Variants in PARD3B observed in about 807,000 individuals in gnomAD.
PARD3B encodes partitioning defective 3 homolog B.
PARD3B carries 103 observed loss-of-function variants against 130.2 expected under a neutral mutation model. The ratio of observed to expected loss-of-function variants is 0.79; its 90% CI spans 0.67 to 0.93. The LOEUF (loss-of-function observed/expected upper bound fraction) is 0.93, where lower values mean the gene tolerates loss of function less well. Ranked by LOEUF, PARD3B falls within the 40% of genes least tolerant of loss-of-function variation. The probability of loss-of-function intolerance (pLI) is 0.00; values close to 1 mark genes in which losing one functional copy is unlikely to be tolerated. For missense variants in PARD3B, 1,609 were observed against 1,499.2 expected, an observed-to-expected ratio of 1.07 and a Z score of -1.21; for synonymous variants, 583 against 553.2, an observed-to-expected ratio of 1.05 and a Z score of -0.76.
rs200101726 is a variant in PARD3B, at chr2:205,183,392, AGAAAG to A, written c.1925-2368_1925-2364del. On this transcript the variant is annotated intron_variant, in intron 13 of 22. Transcript: ENST00000406610. This position sits in a 1 kb window ranked among gnomAD's most constrained non-coding sequence, Gnocchi z 5.2. ...TTGAGGATAGAAGATGAGAGCCAAC[AGAAAG>A]GAAGTTGTCCCAGGATGTCCATTGT... is the stretch of plus-strand genomic sequence containing the variant. Among the ~76,000 whole-genome samples the A allele has an allele frequency of 0.016, 2,481 of 152,324 alleles. 50 individuals carry two copies. Among genetic ancestry groups the A allele is most frequent in the Admixed American group, 0.059 (899 of 15,308 alleles).
chr2:205,302,172 G>T (rs576971772), intron 18 of PARD3B, among the ~76,000 whole-genome samples: 1 of 135,728 alleles, frequency 7.4e-6, no homozygotes, highest in South Asian at 2.5e-4. Flanking sequence ...GGGTTCAAGC[G>T]ATTCTTCTGC....
chr2:204,978,873 A>G (rs952291052), intron 3 of PARD3B, among the ~76,000 whole-genome samples: 3 of 151,094 alleles, frequency 2.0e-5, no homozygotes, highest in African/African-American at 7.3e-5. Flanking sequence ...CTAAGGCAAG[A>G]GAATTGCTTG....
At chr2:205,214,089 T>G (rs7583368) in intron 15 of PARD3B, among the ~76,000 whole-genome samples, 119,553 of 151,792 alleles carry the variant, frequency 0.79, 47,572 homozygotes, top group East Asian at 0.98. Context: ...AGGTTTTTTG[T>G]TTGTTTTTTA....
chr2:205,358,368 A>G (rs944478439), intron 18 of PARD3B, among the ~76,000 whole-genome samples: 3 of 152,142 alleles, frequency 2.0e-5, no homozygotes, highest in Admixed American at 6.5e-5. Flanking sequence ...AGAGACACAA[A>G]CTCATAAAGC....
chr2:205,469,606 A>T (rs961293033), intron 20 of PARD3B, among the ~76,000 whole-genome samples: 1 of 152,172 alleles, frequency 6.6e-6, no homozygotes, highest in African/African-American at 2.4e-5. Flanking sequence ...AGTCAGCCTA[A>T]TCTTGGCTGA....
chr2:205,139,357 A>G (rs758460400), intron 10 of PARD3B, among the ~76,000 whole-genome samples: 1 of 152,300 alleles, frequency 6.6e-6, no homozygotes, highest in Non-Finnish European at 1.5e-5. Context: ...AACATTATTC[A>G]TTAAGGTTTT....
At chr2:204,734,315 C>A (rs1163572664) in intron 2 of PARD3B, among the ~76,000 whole-genome samples, 6 of 152,078 alleles carry the variant, frequency 3.9e-5, no homozygotes, top group Non-Finnish European at 1.5e-5. Context: ...CATTGCTGGG[C>A]AATTCAGAAT....
intron 18 of PARD3B, among the ~76,000 whole-genome samples, chr2:205,310,941 T>C (rs1210188286): frequency 1.3e-5 from 2 of 151,924 alleles, no homozygotes; most frequent in Non-Finnish European, 2.9e-5. Flanking sequence ...TCAGGCTGGT[T>C]TCAAATTCCT....
Position 204,567,978 on chromosome 2 carries a change from T to G in PARD3B, c.120+21859T>G, listed in dbSNP as rs1469729707. 2.6e-5 allele frequency among the ~76,000 whole-genome samples: 4 copies of G among 152,338 alleles called. No individual in the cohort carries two copies. The South Asian group carries it at 8.3e-4, about 32-fold the overall frequency. Reference sequence around the variant, plus strand: ...AAGTTAGATATTTATTTTAGAATGATATAGTAAATTCTAAATTATAGTTTT... The same window carrying G: ...AAGTTAGATATTTATTTTAGAATGAGATAGTAAATTCTAAATTATAGTTTT... On this transcript the variant is annotated intron_variant, in intron 1 of 22. Transcript: ENST00000406610.
chr2:205,100,143 T>A (rs1482131606), intron 4 of PARD3B, among the ~76,000 whole-genome samples: 1 of 152,184 alleles, frequency 6.6e-6, no homozygotes, highest in Admixed American at 6.5e-5. Context: ...CATTTTTTAA[T>A]CTTGCGTAAT....
At chr2:205,326,434 G>T (rs1280261128) in intron 18 of PARD3B, among the ~76,000 whole-genome samples, 2 of 152,162 alleles carry the variant, frequency 1.3e-5, no homozygotes, top group African/African-American at 4.8e-5. Context: ...CAGAGATGGG[G>T]TTAATCTTTT....
intron 22 of PARD3B, among the ~76,000 whole-genome samples, chr2:205,611,890 T>G (rs868675745): frequency 6.6e-6 from 1 of 152,226 alleles, no homozygotes; most frequent in South Asian, 2.1e-4. Context: ...ACATTTGTTA[T>G]GCGGATTCTT....
intron 20 of PARD3B, among the ~76,000 whole-genome samples, chr2:205,467,698 C>T (rs1277944804): frequency 2.0e-5 from 3 of 152,152 alleles, no homozygotes; most frequent in Non-Finnish European, 2.9e-5. Flanking sequence ...CCATATTAGA[C>T]AGCATTAGAA....
chr2:204,894,115 G>A (rs1336203813), intron 2 of PARD3B, among the ~76,000 whole-genome samples: 1 of 151,884 alleles, frequency 6.6e-6, no homozygotes, highest in Non-Finnish European at 1.5e-5. Flanking sequence ...ATTTGAAATG[G>A]GTTTAATGTC....
intron 1 of PARD3B, among the ~76,000 whole-genome samples, chr2:204,660,485 A>T (rs1253936730): frequency 4.6e-5 from 7 of 152,178 alleles, no homozygotes; most frequent in Non-Finnish European, 1.0e-4. Flanking sequence ...AAAATATAAG[A>T]CATAGAAATG....
chr2:205,208,402 T>C (rs1338020173), intron 15 of PARD3B, among the ~76,000 whole-genome samples: 2 of 139,454 alleles, frequency 1.4e-5, no homozygotes, highest in African/African-American at 2.9e-5. Context: ...TAAAGGGTAT[T>C]CAATTAGGAA....
chr2:204,955,224 TG>T (rs1308121896), intron 2 of PARD3B, among the ~76,000 whole-genome samples: 2 of 152,244 alleles, frequency 1.3e-5, no homozygotes, highest in Non-Finnish European at 2.9e-5. Flanking sequence ...AAACTAGGTC[TG>T]TTAATGCACA....
intron 3 of PARD3B, among the ~76,000 whole-genome samples, chr2:204,965,847 T>C (rs1199703050): frequency 1.3e-5 from 2 of 152,246 alleles, no homozygotes; most frequent in Non-Finnish European, 2.9e-5. Flanking sequence ...ATTATATTTG[T>C]AGAATGAGAA....
intron 2 of PARD3B, among the ~76,000 whole-genome samples, chr2:204,733,240 T>C (rs1234749864): frequency 1.3e-5 from 2 of 152,178 alleles, no homozygotes; most frequent in African/African-American, 4.8e-5. Context: ...CTTAGTGATA[T>C]ACAATAATAC....
Sources: gnomAD v4.1 joint callset for allele counts (sites outside exome capture counted in the v4.1 genomes callset) on GRCh38, gnomAD v4.1.1 for gene constraint, Gnocchi (gnomAD v3.1) non-coding constraint, MANE v1.5 for transcripts, NCBI Gene and HGNC (gene_info 2026-07-23, HGNC 2026-07-21) for gene names.